The following FRMD3 variants were observed in gnomAD, a reference collection of about 807,000 sequenced individuals.
FRMD3 encodes the protein FERM domain containing 3.
Under a neutral mutation model 70.2 loss-of-function variants are expected in FRMD3, and 33 were observed. The observed-to-expected ratio is 0.47, with a 90% CI of 0.36 to 0.63. The LOEUF (loss-of-function observed/expected upper bound fraction) is 0.63. Ranked by LOEUF, FRMD3 falls within the 20% of genes least tolerant of loss-of-function variation. The pLI is 0.00. For missense variants in FRMD3, 632 were observed against 711.4 expected (o/e 0.89, Z 1.27); for synonymous variants, 279 against 255.9 (o/e 1.09, Z -0.86).
At chr9:83,244,209 C>G (rs971212476), downstream of FRMD3, among the ~76,000 whole-genome samples, 1 of 151,976 alleles carries the variant, frequency 6.6e-6, no homozygotes, top group Non-Finnish European at 1.5e-5. Flanking sequence ...GCAAGTGTCA[C>G]AGAGTTGAGT....
rs1324892863 is a variant in FRMD3, at chr9:83,507,699, T to C, written c.147+30386A>G. 8.9e-4 allele frequency among the ~76,000 whole-genome samples: 51 copies of C among 57,276 alleles called. 1 individual carries two copies. The highest frequency in any genetic ancestry group is 1.4e-3 in the Non-Finnish European group (44 of 30,662). The allele number at this position is 57,276 out of a possible 152,430, so 37.6% of individuals were successfully genotyped here. A position where few individuals can be genotyped will look rare whatever the true frequency, so the allele number is the denominator to read the frequency against. On this transcript the variant is annotated intron_variant, in intron 1 of 13. Transcript: ENST00000304195. ...AAAAAAAAATATACATACATATATA[T>C]ATATATATATATATATATATATATA...
At chr9:83,347,541 T>G (rs1205956083) in intron 4 of FRMD3, among the ~76,000 whole-genome samples, 1 of 152,214 alleles carries the variant, frequency 6.6e-6, no homozygotes, top group Non-Finnish European at 1.5e-5. Flanking sequence ...TAAAGGATTG[T>G]AAGATGATTG....
intron 2 of FRMD3, among the ~76,000 whole-genome samples, chr9:83,389,117 T>C (rs1825593951): frequency 6.6e-6 from 1 of 151,898 alleles, no homozygotes; most frequent in Non-Finnish European, 1.5e-5. Context: ...CCAGCTAATT[T>C]TTGTATTTTT....
chr9:83,378,432 C>A (rs1283551284), intron 2 of FRMD3, among the ~76,000 whole-genome samples: 1 of 144,458 alleles, frequency 6.9e-6, no homozygotes, highest in Non-Finnish European at 1.5e-5. Context: ...TGCAAGCCAC[C>A]ATGCCCGGCT....
chr9:83,443,149 C>CT (rs2131398137), intron 1 of FRMD3, among the ~76,000 whole-genome samples: 1 of 152,164 alleles, frequency 6.6e-6, no homozygotes, highest in East Asian at 1.9e-4. Context: ...GAGTATGTTT[C>CT]TTTTTTTATT....
intron 1 of FRMD3, among the ~76,000 whole-genome samples, chr9:83,490,798 TCACACACA>T (rs60065758): frequency 9.0e-6 from 1 of 110,716 alleles, no homozygotes. Flanking sequence ...TCTCTCTCTC[TCACACACA>T]CACACACACA....
intron 1 of FRMD3, among the ~76,000 whole-genome samples, chr9:83,392,647 C>T (rs1248882044): frequency 6.6e-6 from 1 of 152,066 alleles, no homozygotes; most frequent in East Asian, 1.9e-4. Context: ...TTCCTTTTTT[C>T]TCATGGAAAA....
the FRMD3 span, among the ~76,000 whole-genome samples, chr9:83,554,025 T>C: frequency 2.0e-5 from 3 of 152,096 alleles, no homozygotes; most frequent in African/African-American, 4.8e-5. Context: ...GTACAGTCAA[T>C]AGACTTCTTT....
At chr9:83,447,565 T>G (rs7866062) in intron 1 of FRMD3, among the ~76,000 whole-genome samples, 38,692 of 131,198 alleles carry the variant, frequency 0.29, 5,158 homozygotes, top group African/African-American at 0.36. Context: ...ATGGGGGCAG[T>G]GAGGGGACCT....
At chr9:83,413,861 A>G (rs1826347829) in intron 1 of FRMD3, among the ~76,000 whole-genome samples, 1 of 152,224 alleles carries the variant, frequency 6.6e-6, no homozygotes, top group Non-Finnish European at 1.5e-5. Flanking sequence ...AGATTTATAT[A>G]TCTCTTGCCA....
At chr9:83,371,672 C>T (rs1824977915) in intron 3 of FRMD3, among the ~76,000 whole-genome samples, 2 of 152,190 alleles carry the variant, frequency 1.3e-5, no homozygotes, top group South Asian at 4.1e-4. Context: ...AATTCTGCTC[C>T]AGCCCCACCC....
At chr9:83,352,273 G>C (rs1824186697) in intron 3 of FRMD3, among the ~76,000 whole-genome samples, 1 of 152,202 alleles carries the variant, frequency 6.6e-6, no homozygotes, top group South Asian at 2.1e-4. Context: ...GTTTTAAAGA[G>C]AGCAGAAAAA....
At chr9:83,402,716 A>C (rs1173749496) in intron 1 of FRMD3, among the ~76,000 whole-genome samples, 1 of 152,082 alleles carries the variant, frequency 6.6e-6, no homozygotes, top group African/African-American at 2.4e-5. Context: ...TTTTAAAGAG[A>C]AACAGGTCAG....
chr9:83,474,967 A>C (rs928099698), intron 1 of FRMD3, among the ~76,000 whole-genome samples: 1 of 152,146 alleles, frequency 6.6e-6, no homozygotes, highest in Non-Finnish European at 1.5e-5. Context: ...GACTCCTAAA[A>C]GGCTACACCT....
chr9:83,243,022 G>A (rs1831936206), downstream of FRMD3: 2 of 632,202 alleles, frequency 3.2e-6, no homozygotes, highest in East Asian at 5.5e-5. Flanking sequence ...TTAATGGATT[G>A]GAGAGCACAG....
chr9:83,268,676 T>C (rs1020763116), intron 13 of FRMD3, among the ~76,000 whole-genome samples: 4 of 152,118 alleles, frequency 2.6e-5, no homozygotes, highest in African/African-American at 9.7e-5. Context: ...ACAGGATAAA[T>C]GTAAGACCAG....
At position 83,470,153 on chromosome 9, in the gene FRMD3, C is replaced by T. The variant is rs117906087; in HGVS notation, c.147+67932G>A. Among the ~76,000 whole-genome samples the T allele has an allele frequency of 2.8e-3, 430 of 152,186 alleles. 1 individual carries two copies. Among genetic ancestry groups the T allele is most frequent in the Non-Finnish European group, 4.7e-3 (318 of 68,002 alleles). ...AGAGGTTCTACCACTCAGGGAACACCTAAGCACCACAGCCCCAGATTCCAG... is the reference window on the plus strand; with the variant it reads ...AGAGGTTCTACCACTCAGGGAACACTTAAGCACCACAGCCCCAGATTCCAG... On this transcript the variant is annotated intron_variant, in intron 1 of 13. Coordinates refer to ENST00000304195, the MANE Select transcript of FRMD3 (RefSeq NM_174938.6).
At chr9:83,572,192 T>C in the FRMD3 span, among the ~76,000 whole-genome samples, 1 of 152,012 alleles carries the variant, frequency 6.6e-6, no homozygotes, top group African/African-American at 2.4e-5. Flanking sequence ...TGTGTGTGTG[T>C]GTAGGCAAGT....
At chr9:83,252,337 C>T (rs941343687) in intron 13 of FRMD3, among the ~76,000 whole-genome samples, 2 of 152,098 alleles carry the variant, frequency 1.3e-5, no homozygotes, top group African/African-American at 4.8e-5. Flanking sequence ...AATTTGTCAC[C>T]ACTGTACCAG....
Sources: gnomAD v4.1 joint callset for allele counts (sites outside exome capture counted in the v4.1 genomes callset) on GRCh38, gnomAD v4.1.1 for gene constraint, MANE v1.5 for transcripts, NCBI Gene and HGNC (gene_info 2026-07-23, HGNC 2026-07-21) for gene names.